The following VPS54 variants were observed in gnomAD, a reference collection of about 807,000 sequenced individuals.
VPS54 encodes the protein VPS54 subunit of GARP complex.
VPS54 carries 45 observed loss-of-function variants against 121.5 expected under a neutral mutation model. The observed-to-expected ratio is 0.37, with a 90% confidence interval of 0.29 to 0.47. The LOEUF is 0.47. Ranked by LOEUF, VPS54 falls within the 20% of genes least tolerant of loss-of-function variation. VPS54 has a pLI of 0.99. For synonymous variants in VPS54, 371 were observed against 385.8 expected, an observed-to-expected ratio of 0.96 and a Z score of 0.45; for missense variants, 1,090 against 1,131.4, an observed-to-expected ratio of 0.96 and a Z score of 0.52.
chr2:63,919,973 A>G lies in VPS54; in HGVS notation c.2074T>C (p.Trp692Arg). The G allele has an allele frequency of 6.2e-7, 1 of 1,612,014 alleles. No individual in the cohort carries two copies. The highest frequency in any genetic ancestry group is 2.2e-5 in the East Asian group (1 of 44,748). Residue 692 changes from tryptophan (W) to arginine (R), a missense_variant, in exon 15 of 23, where the codon TGG (tryptophan) becomes CGG (arginine). Transcript: ENST00000272322. Reference sequence around the variant, plus strand: ...TCTGCAGGAACATCTGCTTGCTTCCAGCGCTCATTGTCTAAGAGGAGGCTA... The same window carrying G: ...TCTGCAGGAACATCTGCTTGCTTCCGGCGCTCATTGTCTAAGAGGAGGCTA... ...KLSLLLDNER[W>R]KQADVPAEFQ... is the part of the protein sequence containing the mutation.
At chr2:63,984,660 G>T (rs1156738416) in intron 1 of VPS54, among the ~76,000 whole-genome samples, 3 of 152,162 alleles carry the variant, frequency 2.0e-5, no homozygotes, top group Non-Finnish European at 4.4e-5. Context: ...TAAAAAGGAA[G>T]TGTCATTCTT....
At position 63,962,266 on chromosome 2, in the gene VPS54, C is replaced by A; in HGVS notation, c.802G>T (p.Glu268Ter). 1 of 1,614,066 alleles carries A rather than the reference C, an allele frequency of 6.2e-7. No homozygotes were observed. The highest frequency in any genetic ancestry group is 2.2e-5 in the East Asian group (1 of 44,876). The change falls in exon 7 of 23, where the codon GAA (glutamate) becomes TAA (stop). Residue 268 changes from glutamate (E) to a stop codon, truncating the protein, a stop_gained. Transcript: ENST00000272322. LOFTEE classifies it high-confidence loss of function. Reference protein sequence around the residue: ...KIAQIDKVMCEGSLHILRLAL... With the variant: ...KIAQIDKVMC ...AGTCTTAAAATGTGGAGTGATCCTTCACACATTACTTTATCAATCTGTGCA... is the reference window on the plus strand; with the variant it reads ...AGTCTTAAAATGTGGAGTGATCCTTAACACATTACTTTATCAATCTGTGCA...
At chr2:63,895,118 G>A (rs2104390800) in intron 22 of VPS54, among the ~76,000 whole-genome samples, 1 of 150,908 alleles carries the variant, frequency 6.6e-6, no homozygotes, top group African/African-American at 2.5e-5. Flanking sequence ...CTCTGTATGT[G>A]TCTATTTTTA....
chr2:64,017,455 T>C (rs1029368015), intron 1 of VPS54, among the ~76,000 whole-genome samples: 2 of 152,160 alleles, frequency 1.3e-5, no homozygotes, highest in African/African-American at 2.4e-5. Context: ...AATTATCTTA[T>C]CCAGAAATCA....
chr2:63,926,212 T>C (rs539639580), intron 12 of VPS54, among the ~76,000 whole-genome samples: 2 of 152,312 alleles, frequency 1.3e-5, no homozygotes, highest in South Asian at 2.1e-4. Context: ...ATGAGAATGG[T>C]AGAACTGTCT....
At chr2:63,908,696 CAGCAAA>C (rs201004530) in intron 20 of VPS54, among the ~76,000 whole-genome samples, 2,681 of 152,260 alleles carry the variant, frequency 0.018, 33 homozygotes, top group Non-Finnish European at 0.022. Flanking sequence ...GTAACAGCAA[CAGCAAA>C]AGCATTAGCA....
chr2:63,951,675 G>C (rs1675251700), intron 7 of VPS54, among the ~76,000 whole-genome samples: 2 of 152,136 alleles, frequency 1.3e-5, no homozygotes, highest in South Asian at 4.2e-4. Flanking sequence ...TATATTTTAT[G>C]GTAGTAAATG....
At chr2:63,901,624 C>T (rs1293500461) in intron 20 of VPS54, among the ~76,000 whole-genome samples, 1 of 152,132 alleles carries the variant, frequency 6.6e-6, no homozygotes, top group Non-Finnish European at 1.5e-5. Flanking sequence ...CCATTTCCCC[C>T]AAACCCTATT....
chr2:63,934,029 A>T lies in VPS54; in HGVS notation c.1399-16T>A. Reference sequence around the variant, plus strand: ...TTAATGTTGCCTACAAGAAAATAGGACACACTTTTAAGGGACGTAAAATGT... The same window carrying T: ...TTAATGTTGCCTACAAGAAAATAGGTCACACTTTTAAGGGACGTAAAATGT... On this transcript the variant is annotated splice_polypyrimidine_tract_variant and intron_variant, in intron 11 of 22. Transcript: ENST00000272322. The T allele has an allele frequency of 6.2e-7, 1 of 1,600,652 alleles. No individual in the cohort carries two copies. The highest frequency in any genetic ancestry group is 1.3e-5 in the African/African-American group (1 of 74,696).
intron 11 of VPS54, among the ~76,000 whole-genome samples, chr2:63,934,625 A>G (rs1017066778): frequency 7.9e-5 from 12 of 152,256 alleles, no homozygotes; most frequent in African/African-American, 2.9e-4. Context: ...CCTTCCCTGA[A>G]TCTCCACCCA....
At position 63,914,179 on chromosome 2, in the gene VPS54, T is replaced by C. The variant is rs376037671; in HGVS notation, c.2334+3A>G. 5 of 1,610,728 alleles carry C rather than the reference T, an allele frequency of 3.1e-6. No homozygotes were observed. The highest frequency in any genetic ancestry group is 1.7e-5 in the Admixed American group (1 of 59,758). Reference sequence around the variant, plus strand: ...TTCCATAATGGAGTGAAGTCATACATACCTTCAATAAATCTGACAGACGAG... The same window carrying C: ...TTCCATAATGGAGTGAAGTCATACACACCTTCAATAAATCTGACAGACGAG... On this transcript the variant is annotated splice_donor_region_variant and intron_variant, in intron 17 of 22. Coordinates refer to ENST00000272322, the MANE Select transcript of VPS54 (RefSeq NM_016516.3).
At chr2:63,896,765 A>G (rs1672459874) in intron 22 of VPS54, among the ~76,000 whole-genome samples, 2 of 152,188 alleles carry the variant, frequency 1.3e-5, no homozygotes, top group African/African-American at 4.8e-5. Flanking sequence ...ACACTAAAGA[A>G]TTGATATTAA....
chr2:63,990,096 G>A (rs1026135707), intron 1 of VPS54, among the ~76,000 whole-genome samples: 1 of 152,092 alleles, frequency 6.6e-6, no homozygotes, highest in Non-Finnish European at 1.5e-5. Context: ...CCAATCCCGT[G>A]ACCCCCTACA....
intron 6 of VPS54, among the ~76,000 whole-genome samples, chr2:63,964,947 G>A (rs1028291074): frequency 6.6e-6 from 1 of 152,106 alleles, no homozygotes; most frequent in Non-Finnish European, 1.5e-5. Flanking sequence ...TATATTTAAA[G>A]ATCTAAATAT....
Position 63,914,252 on chromosome 2 carries a change from T to C in VPS54, c.2264A>G (p.Tyr755Cys). Residue 755 changes from tyrosine to cysteine, a missense_variant, in exon 17 of 23, where the codon TAT becomes TGT. This residue lies in a region of VPS54 where 289 missense variants were observed against 374.4 expected (regional missense o/e 0.77). Coordinates refer to ENST00000272322, the MANE Select transcript of VPS54 (RefSeq NM_016516.3). ...VLLLIRIILE[Y>C]CQCVDNIPSV... Reference sequence around the variant, plus strand: ...TGGGATGTTATCCACACACTGGCAATATTCAAGGATAATTCTTATTAACAG... The same window carrying C: ...TGGGATGTTATCCACACACTGGCAACATTCAAGGATAATTCTTATTAACAG... 1 of 1,613,468 alleles carries C rather than the reference T, an allele frequency of 6.2e-7. No homozygotes were observed. Among genetic ancestry groups the C allele is most frequent in the South Asian group, 1.1e-5 (1 of 91,010 alleles).
chr2:63,966,018 A>G, intron 5 of VPS54, 52 bp from the exon 6 acceptor site: 1 of 1,554,352 alleles, frequency 6.4e-7, no homozygotes, highest in East Asian at 2.3e-5. Context: ...CTTTATACCC[A>G]TTATCTCTTC....
intron 1 of VPS54, among the ~76,000 whole-genome samples, chr2:64,013,658 ATT>A (rs1222706332): frequency 1.4e-5 from 2 of 145,822 alleles, no homozygotes; most frequent in African/African-American, 5.0e-5. Flanking sequence ...ATAGATATAT[ATT>A]GATATATATA....
intron 7 of VPS54, among the ~76,000 whole-genome samples, chr2:63,959,614 T>C (rs780744217): frequency 1.8e-4 from 27 of 152,282 alleles, no homozygotes; most frequent in Admixed American, 5.9e-4. Context: ...TGGCCGAGCA[T>C]GGTGGCTAAT....
chr2:64,005,065 ACCATGC>A (rs1270971092), intron 1 of VPS54, among the ~76,000 whole-genome samples: 1 of 135,228 alleles, frequency 7.4e-6, no homozygotes, highest in Non-Finnish European at 1.5e-5. Context: ...GGCATGAGCT[ACCATGC>A]CCAGTCTACT....
Sources: gnomAD v4.1 joint callset for allele counts (sites outside exome capture counted in the v4.1 genomes callset) on GRCh38, gnomAD v4.1.1 for gene constraint, gnomAD v4.1.1 regional missense constraint, MANE v1.5 for transcripts, NCBI Gene and HGNC (gene_info 2026-07-23, HGNC 2026-07-21) for gene names.